Variants in APBB1IP observed in about 807,000 individuals in gnomAD.
APBB1IP encodes amyloid beta precursor protein binding family B member 1 interacting protein.
APBB1IP carries 27 observed loss-of-function variants against 64.9 expected under a neutral mutation model. The observed-to-expected ratio is 0.42, with a 90% confidence interval of 0.31 to 0.57. The LOEUF (loss-of-function observed/expected upper bound fraction) is 0.57, where lower values mean the gene tolerates loss of function less well. Ranked by LOEUF, APBB1IP falls within the 20% of genes least tolerant of loss-of-function variation. APBB1IP has a pLI of 0.20. For missense variants in APBB1IP, 812 were observed against 845.5 expected (o/e 0.96, Z 0.49); for synonymous variants, 392 against 331.0 (o/e 1.18, Z -2.00).
At chr10:26,564,905 G>A (rs529569892) in intron 14 of APBB1IP, among the ~76,000 whole-genome samples, 13 of 152,136 alleles carry the variant, frequency 8.5e-5, no homozygotes, top group Admixed American at 1.3e-4. Flanking sequence ...CCACCACACT[G>A]CCTTCCCTGA....
intron 6 of APBB1IP, among the ~76,000 whole-genome samples, chr10:26,510,853 T>C (rs547463317): frequency 3.3e-5 from 5 of 152,132 alleles, no homozygotes; most frequent in African/African-American, 1.2e-4. Context: ...AATCCAACTG[T>C]GATCTCAAAT....
At chr10:26,483,659 T>A (rs1377759750) in intron 2 of APBB1IP, among the ~76,000 whole-genome samples, 1 of 152,216 alleles carries the variant, frequency 6.6e-6, no homozygotes, top group African/African-American at 2.4e-5. Context: ...ATTGACTGTG[T>A]CTCATTTTAA....
intron 6 of APBB1IP, among the ~76,000 whole-genome samples, chr10:26,506,384 C>A (rs1264840722): frequency 6.6e-6 from 1 of 151,964 alleles, no homozygotes; most frequent in Non-Finnish European, 1.5e-5. Context: ...GTAGCTGAGA[C>A]TACAGGTATG....
At chr10:26,513,003 G>C (rs1375815712) in intron 7 of APBB1IP, among the ~76,000 whole-genome samples, 1 of 152,210 alleles carries the variant, frequency 6.6e-6, no homozygotes, top group African/African-American at 2.4e-5. Flanking sequence ...ATGTTTTAGA[G>C]TACACACTGG....
chr10:26,493,164 G>A (rs1835978710), intron 3 of APBB1IP, among the ~76,000 whole-genome samples: 1 of 152,202 alleles, frequency 6.6e-6, no homozygotes, highest in African/African-American at 2.4e-5. Flanking sequence ...CTCCCAGGCA[G>A]TCAGACCTAA....
intron 8 of APBB1IP, among the ~76,000 whole-genome samples, chr10:26,515,302 G>A (rs1028618542): frequency 6.6e-6 from 1 of 152,198 alleles, no homozygotes; most frequent in African/African-American, 2.4e-5. Context: ...CACTGGTCCA[G>A]CCACAGGTAG....
chr10:26,560,418 C>A (rs191026964), intron 12 of APBB1IP, among the ~76,000 whole-genome samples: 1 of 152,244 alleles, frequency 6.6e-6, no homozygotes, highest in African/African-American at 2.4e-5. Context: ...GCGAGTATTG[C>A]AAGCTTAGTG....
At chr10:26,472,437 C>A (rs1835729525) in intron 2 of APBB1IP, among the ~76,000 whole-genome samples, 1 of 152,192 alleles carries the variant, frequency 6.6e-6, no homozygotes, top group South Asian at 2.1e-4. Flanking sequence ...CCACCCACTT[C>A]TGAAGGAGTT....
At chr10:26,502,641 CA>C (rs201019385) in intron 5 of APBB1IP, among the ~76,000 whole-genome samples, 6,624 of 105,642 alleles carry the variant, frequency 0.063, 359 homozygotes, top group African/African-American at 0.17. Flanking sequence ...GACTCCATCT[CA>C]AAAAAAAAAA....
intron 8 of APBB1IP, among the ~76,000 whole-genome samples, chr10:26,519,226 G>A (rs1187096033): frequency 1.3e-5 from 2 of 152,266 alleles, no homozygotes; most frequent in African/African-American, 4.8e-5. Context: ...AGGAGACAGA[G>A]GTTGTAGTGA....
chr10:26,533,522 T>A lies in APBB1IP; in HGVS notation c.897T>A (p.Leu299=). 1 of 1,594,172 alleles carries A rather than the reference T, an allele frequency of 6.3e-7. No homozygotes were observed. Among genetic ancestry groups the A allele is most frequent in the African/African-American group, 1.4e-5 (1 of 74,016 alleles). Reference sequence around the variant, plus strand: ...ATGCTAAGAACAAGGAATCCTTACTTGAGGTAAGGTTAATTTTGCAGAGTG... The same window carrying A: ...ATGCTAAGAACAAGGAATCCTTACTAGAGGTAAGGTTAATTTTGCAGAGTG... The part of the protein sequence containing the change: ...KMNAKNKESL[L]EESFCGTSII... The change falls in exon 9 of 15, where the codon CTT becomes CTA. Residue 299 remains leucine, a synonymous_variant. Coordinates refer to ENST00000376236, the MANE Select transcript of APBB1IP (RefSeq NM_019043.4).
chr10:26,490,974 G>C (rs1835947744), intron 2 of APBB1IP, among the ~76,000 whole-genome samples: 1 of 152,140 alleles, frequency 6.6e-6, no homozygotes, highest in Non-Finnish European at 1.5e-5. Flanking sequence ...CAGTGTTTTA[G>C]AGCATTTTGA....
intron 11 of APBB1IP, among the ~76,000 whole-genome samples, chr10:26,544,820 T>C (rs1360142267): frequency 6.6e-6 from 1 of 152,214 alleles, no homozygotes; most frequent in Non-Finnish European, 1.5e-5. Context: ...ACACCAAGAA[T>C]AGAAATCCTA....
intron 12 of APBB1IP, 136 bp downstream of exon 12, chr10:26,560,339 C>A (rs1836951162): frequency 1.3e-6 from 1 of 763,012 alleles, no homozygotes; most frequent in African/African-American, 1.7e-5. Context: ...TTTATTCGCC[C>A]AGTGGGTTTT....
At chr10:26,453,386 A>G (rs1341049715) in intron 2 of APBB1IP, among the ~76,000 whole-genome samples, 2 of 152,206 alleles carry the variant, frequency 1.3e-5, no homozygotes, top group African/African-American at 2.4e-5. Flanking sequence ...AGCCCATCCT[A>G]TGAGATATTT....
chr10:26,564,746 T>A (rs1295324416), intron 14 of APBB1IP, among the ~76,000 whole-genome samples: 1 of 151,864 alleles, frequency 6.6e-6, no homozygotes, highest in African/African-American at 2.4e-5. Context: ...GAGTTTGCAG[T>A]GAGGGGAGAT....
chr10:26,519,722 C>T (rs185420936), intron 8 of APBB1IP, among the ~76,000 whole-genome samples: 1 of 152,322 alleles, frequency 6.6e-6, no homozygotes, highest in Non-Finnish European at 1.5e-5. Flanking sequence ...TTTATACATT[C>T]TCCTAATCTA....
Position 26,503,831 on chromosome 10 carries a change from A to AT in APBB1IP, c.531+565dup, listed in dbSNP as rs201778738. On this transcript the variant is annotated intron_variant, in intron 6 of 14. Coordinates refer to ENST00000376236, the MANE Select transcript of APBB1IP (RefSeq NM_019043.4). ...TAGAGGTTTCCTTGGCTTGTACATG[A>AT]TTTTTTTTGCTGGCTTATACATGAA... 2.6e-3 allele frequency among the ~76,000 whole-genome samples: 396 copies of AT among 151,954 alleles called. 2 individuals are homozygous for AT. Among genetic ancestry groups the AT allele is most frequent in the African/African-American group, 8.1e-3 (335 of 41,436 alleles).
chr10:26,462,659 TGTAA>T (rs756738739), intron 2 of APBB1IP, among the ~76,000 whole-genome samples: 3 of 152,262 alleles, frequency 2.0e-5, no homozygotes, highest in Non-Finnish European at 4.4e-5. Context: ...CATCTATATT[TGTAA>T]GTAATAGTGA....
Sources: allele counts gnomAD v4.1 joint callset (sites outside exome capture counted in the v4.1 genomes callset), GRCh38; gene constraint gnomAD v4.1.1; transcripts MANE v1.5; gene names NCBI Gene and HGNC (gene_info 2026-07-23, HGNC 2026-07-21).